PPFIBP2: variants seen among roughly 807,000 people sequenced by gnomAD.
The protein encoded by PPFIBP2 is PPFIB scaffold protein 2, also known as liprin-beta-2.
Under a neutral mutation model 118.3 loss-of-function variants are expected in PPFIBP2, and 118 were observed. The ratio of observed to expected loss-of-function variants is 1.00; its 90% CI spans 0.86 to 1.16. The LOEUF (loss-of-function observed/expected upper bound fraction) is 1.16, where lower values mean the gene tolerates loss of function less well. Ranked by LOEUF, PPFIBP2 falls within the 50% of genes most tolerant of loss-of-function variation. PPFIBP2 has a pLI of 0.00. For missense variants in PPFIBP2, 1,195 were observed against 1,073.1 expected, an observed-to-expected ratio of 1.11 and a Z score of -1.59; for synonymous variants, 414 against 397.4, an observed-to-expected ratio of 1.04 and a Z score of -0.50.
chr11:7,582,127 C>T (rs944318129), intron 3 of PPFIBP2, among the ~76,000 whole-genome samples: 8 of 152,086 alleles, frequency 5.3e-5, no homozygotes, highest in South Asian at 2.1e-4. Context: ...CGTGAGCCAC[C>T]GTGCCCAGCC....
chr11:7,600,275 C>T (rs1272639851), intron 5 of PPFIBP2, among the ~76,000 whole-genome samples: 1 of 152,236 alleles, frequency 6.6e-6, no homozygotes, highest in African/African-American at 2.4e-5. Context: ...GGCACCAGAG[C>T]TTGAGATCTT....
chr11:7,530,016 A>G (rs961141551), intron 1 of PPFIBP2, among the ~76,000 whole-genome samples: 1 of 152,226 alleles, frequency 6.6e-6, no homozygotes, highest in Non-Finnish European at 1.5e-5. Context: ...AGATTTGGCA[A>G]CTTCTCAAAG....
At chr11:7,574,808 C>T (rs553677544) in intron 3 of PPFIBP2, among the ~76,000 whole-genome samples, 1 of 152,176 alleles carries the variant, frequency 6.6e-6, no homozygotes, top group African/African-American at 2.4e-5. Flanking sequence ...CAACCTGCTC[C>T]TAGGTCTTTT....
chr11:7,544,796 AAAT>A (rs1183032970), intron 1 of PPFIBP2, among the ~76,000 whole-genome samples: 1 of 151,136 alleles, frequency 6.6e-6, no homozygotes, highest in East Asian at 1.9e-4. Context: ...AAAAAAAAAA[AAAT>A]CTACTTCCCA....
intron 10 of PPFIBP2, 146 bp from the exon 11 acceptor site, chr11:7,630,779 A>G: frequency 1.5e-6 from 1 of 658,300 alleles, no homozygotes; most frequent in Non-Finnish European, 2.7e-6. Flanking sequence ...GCCCTGAAGA[A>G]TCTTCAGAAT....
At chr11:7,566,399 G>A (rs1056241816) in intron 3 of PPFIBP2, among the ~76,000 whole-genome samples, 1 of 152,096 alleles carries the variant, frequency 6.6e-6, no homozygotes, top group Non-Finnish European at 1.5e-5. Context: ...CTGTCACCCA[G>A]GCTGGAGTGC....
At chr11:7,577,248 C>T in intron 3 of PPFIBP2, 1 of 182,576 alleles carries the variant, frequency 5.5e-6, no homozygotes, top group African/African-American at 2.4e-5. Flanking sequence ...TTTTTCTCTA[C>T]CTTTGTGTGA....
chr11:7,665,100 T>A, the PPFIBP2 span: 86,355 of 275,254 alleles, frequency 0.31, 15,801 homozygotes, highest in Non-Finnish European at 0.38. Flanking sequence ...CTTCATGGGC[T>A]GTCTGCTTTG....
chr11:7,631,096 G>A (rs533441770), intron 11 of PPFIBP2, 68 bp downstream of exon 11: 8 of 1,177,518 alleles, frequency 6.8e-6, no homozygotes, highest in East Asian at 4.7e-5. Context: ...GCTTGAGGGA[G>A]GATCTAGTCA....
At chr11:7,666,644 GCCA>G in the PPFIBP2 span, 2 of 787,548 alleles carry the variant, frequency 2.5e-6, no homozygotes, top group Non-Finnish European at 4.1e-6. Flanking sequence ...GGCCAAAGCT[GCCA>G]CCACTCCAGC....
At position 7,551,573 on chromosome 11, in the gene PPFIBP2, G is replaced by A. The variant is rs370719698; in HGVS notation, c.64+2034G>A. Reference sequence around the variant, plus strand: ...CTCCAACTTTGTTCTTCAGTGTTGTGTTGGCTACCTTTTGCCTCTTCGTAT... The same window carrying A: ...CTCCAACTTTGTTCTTCAGTGTTGTATTGGCTACCTTTTGCCTCTTCGTAT... On this transcript the variant is annotated intron_variant, in intron 2 of 23. Transcript: ENST00000299492. Among the ~76,000 whole-genome samples, 16 of 152,266 alleles carry A rather than the reference G, an allele frequency of 1.1e-4. No homozygotes were observed. In the South Asian group the frequency reaches 3.1e-3, roughly 30 times the overall value.
chr11:7,648,523 C>G lies in PPFIBP2; in HGVS notation c.1783C>G (p.Gln595Glu), dbSNP rs748488847. ...SGHTLLTATP[Q>E]DMEKELGIKH... ...CCACACCTTATTGACAGCCACCCCTCAGGACATGGAAAAGGTAAGGGCTCA... is the reference window on the plus strand; with the variant it reads ...CCACACCTTATTGACAGCCACCCCTGAGGACATGGAAAAGGTAAGGGCTCA... The change falls in exon 18 of 24, where the codon CAG becomes GAG. Residue 595 changes from glutamine (Q) to glutamate (E), a missense_variant. Transcript: ENST00000299492. 2 of 1,614,078 alleles carry G rather than the reference C, an allele frequency of 1.2e-6. No homozygotes were observed. The highest frequency in any genetic ancestry group is 2.2e-5 in the South Asian group (2 of 91,080).
At chr11:7,638,469 T>C (rs1399242428) in intron 14 of PPFIBP2, among the ~76,000 whole-genome samples, 1 of 152,232 alleles carries the variant, frequency 6.6e-6, no homozygotes, top group East Asian at 1.9e-4. Flanking sequence ...TAATAGTCAA[T>C]GTTCAATGAA....
At chr11:7,663,750 G>C in the PPFIBP2 span, among the ~76,000 whole-genome samples, 4 of 152,094 alleles carry the variant, frequency 2.6e-5, no homozygotes, top group African/African-American at 4.8e-5. Flanking sequence ...CCCCAGCCTC[G>C]CTGCTGCCTT....
chr11:7,588,958 A>G (rs1042782326), intron 3 of PPFIBP2, among the ~76,000 whole-genome samples: 4 of 152,258 alleles, frequency 2.6e-5, no homozygotes, highest in African/African-American at 9.6e-5. Context: ...CACAGATCAC[A>G]TGGTTCTCAC....
intron 17 of PPFIBP2, 140 bp from the exon 18 acceptor site, chr11:7,648,247 C>A: frequency 2.2e-6 from 2 of 908,878 alleles, no homozygotes; most frequent in Non-Finnish European, 3.2e-6. Flanking sequence ...TCAGCAGAAT[C>A]CCATGATGGA....
chr11:7,565,692 G>GGA lies in PPFIBP2; in HGVS notation c.210_211dup (p.Ala71GlufsTer5). The GGA allele has an allele frequency of 6.2e-7, 1 of 1,614,210 alleles. No homozygotes were observed. Among genetic ancestry groups the GGA allele is most frequent in the South Asian group, 1.1e-5 (1 of 91,076 alleles). ...CCTTGGAGATGCTGGAGCTTCCTCA[G>GGA]GAGAGAGCAGCCCTCCTGAGCCAGA... On this transcript the variant is annotated frameshift_variant, in exon 3 of 24. Transcript: ENST00000299492. LOFTEE classifies it high-confidence loss of function.
At chr11:7,546,198 G>A (rs1472410981) in intron 1 of PPFIBP2, among the ~76,000 whole-genome samples, 1 of 152,184 alleles carries the variant, frequency 6.6e-6, no homozygotes, top group African/African-American at 2.4e-5. Flanking sequence ...TCTTATGAAA[G>A]CACATTGTAT....
At chr11:7,592,036 A>G (rs572632374) in intron 3 of PPFIBP2, among the ~76,000 whole-genome samples, 12 of 152,314 alleles carry the variant, frequency 7.9e-5, no homozygotes, top group Non-Finnish European at 1.6e-4. Flanking sequence ...TCTTTGCACA[A>G]TTAAGACTTT....
Sources: allele counts gnomAD v4.1 joint callset (sites outside exome capture counted in the v4.1 genomes callset), GRCh38; gene constraint gnomAD v4.1.1; transcripts MANE v1.5; gene names NCBI Gene and HGNC (gene_info 2026-07-23, HGNC 2026-07-21).